HPS3: variants seen among roughly 807,000 people sequenced by gnomAD.
The protein encoded by HPS3 is HPS3 biogenesis of lysosomal organelles complex 2 subunit 1.
A neutral mutation model predicts 110.9 loss-of-function variants in HPS3; 79 were observed. The ratio of observed to expected loss-of-function variants is 0.71; its 90% CI spans 0.59 to 0.86. The LOEUF (loss-of-function observed/expected upper bound fraction) is 0.86, where lower values mean the gene tolerates loss of function less well. HPS3 is among the 40% of genes least tolerant of loss of function. The pLI, the probability that HPS3 is intolerant of heterozygous loss-of-function variation, is 0.00. For synonymous variants in HPS3, 428 were observed against 451.0 expected (o/e 0.95, Z 0.65); for missense variants, 1,197 against 1,206.2 (o/e 0.99, Z 0.11).
intron 16 of HPS3, among the ~76,000 whole-genome samples, chr3:149,171,122 A>G (rs1205165398): frequency 6.6e-6 from 1 of 152,174 alleles, no homozygotes; most frequent in African/African-American, 2.4e-5. Context: ...TACTAAAAAT[A>G]CAAAAATTAG....
At chr3:149,130,845 G>A (rs1721718547) in intron 1 of HPS3, among the ~76,000 whole-genome samples, 1 of 152,134 alleles carries the variant, frequency 6.6e-6, no homozygotes. Flanking sequence ...AGGAAATACT[G>A]TGTGGGTGAA....
At chr3:149,133,605 T>C (rs922040205) in intron 1 of HPS3, among the ~76,000 whole-genome samples, 6 of 152,074 alleles carry the variant, frequency 3.9e-5, no homozygotes, top group Admixed American at 1.3e-4. Flanking sequence ...GGCCCATTGT[T>C]GTCTTATTTT....
At chr3:149,156,471 A>G (rs941117482) in intron 8 of HPS3, among the ~76,000 whole-genome samples, 5 of 152,036 alleles carry the variant, frequency 3.3e-5, no homozygotes, top group Admixed American at 1.3e-4. Flanking sequence ...TGAAGCTGGA[A>G]TATTTCTATA....
At chr3:149,141,453 C>A in intron 4 of HPS3, 73 bp downstream of exon 4, 1 of 1,199,168 alleles carries the variant, frequency 8.3e-7, no homozygotes, top group Non-Finnish European at 1.2e-6. Context: ...GAGTGAAGAC[C>A]CATGTGGGTA....
chr3:149,160,827 G>A (rs1372842264), intron 11 of HPS3, among the ~76,000 whole-genome samples: 1 of 152,198 alleles, frequency 6.6e-6, no homozygotes, highest in African/African-American at 2.4e-5. Context: ...AGGAGGTAGT[G>A]TAATTGAACA....
In HPS3 at chr3:149,173,489, T is replaced by A. The variant is rs1162902670; in HGVS notation, c.*1267T>A. The A allele has an allele frequency of 1.0e-5, 4 of 387,034 alleles. No homozygotes were observed. In the East Asian group the frequency reaches 1.8e-4, roughly 17 times the overall value. 24.0% of individuals were successfully genotyped at this position (387,034 alleles called of 1,614,324 possible). ...ATTAGACTGTATGAATCAGTTTTAT[T>A]ACCTAGTGTACAAGTGTCAGTCATG... On this transcript the variant is annotated 3_prime_UTR_variant, in exon 17 of 17. Coordinates refer to ENST00000296051, the MANE Select transcript of HPS3 (RefSeq NM_032383.5).
intron 9 of HPS3, 72 bp from the exon 10 acceptor site, chr3:149,158,594 T>C: frequency 7.3e-7 from 1 of 1,377,342 alleles, no homozygotes; most frequent in Admixed American, 1.7e-5. Context: ...TTGAAATCAG[T>C]CTGGGCAACA....
intron 1 of HPS3, among the ~76,000 whole-genome samples, chr3:149,131,856 C>A (rs1721801259): frequency 6.6e-6 from 1 of 152,304 alleles, no homozygotes; most frequent in Admixed American, 6.5e-5. Context: ...TTAAGTGTTA[C>A]TCCAGTGAAC....
At chr3:149,157,247 C>A in intron 8 of HPS3, 103 bp from the exon 9 acceptor site, 1 of 1,049,652 alleles carries the variant, frequency 9.5e-7, no homozygotes, top group Non-Finnish European at 1.4e-6. Flanking sequence ...TTTAATATGT[C>A]CAAATGTTAA....
At position 149,163,924 on chromosome 3, in the gene HPS3, A is replaced by T. The variant is rs527824858; in HGVS notation, c.2564A>T (p.Tyr855Phe). The change falls in exon 14 of 17, where the codon TAT (tyrosine) becomes TTT (phenylalanine). Residue 855 changes from tyrosine to phenylalanine, a missense_variant. Coordinates refer to ENST00000296051, the MANE Select transcript of HPS3 (RefSeq NM_032383.5). The part of the protein sequence containing the change: ...ISSDSLADKN[Y>F]TEDLSKLQSL... ...TCTGATTCTTTAGCTGATAAAAATT[A>T]TACAGAAGATCTTTCAAAATTACAG... 1 of 1,544,532 alleles carries T rather than the reference A, an allele frequency of 6.5e-7. No individual in the cohort carries two copies. Among genetic ancestry groups the T allele is most frequent in the Non-Finnish European group, 9.0e-7 (1 of 1,116,574 alleles).
At chr3:149,138,728 A>G (rs1023827331) in intron 1 of HPS3, among the ~76,000 whole-genome samples, 2 of 152,222 alleles carry the variant, frequency 1.3e-5, no homozygotes, top group Non-Finnish European at 2.9e-5. Context: ...CAAATGAACA[A>G]CTTAATAAAA....
At chr3:149,170,842 T>A (rs1049034950) in intron 16 of HPS3, among the ~76,000 whole-genome samples, 3 of 152,196 alleles carry the variant, frequency 2.0e-5, no homozygotes, top group African/African-American at 7.2e-5. Flanking sequence ...ATAGAAGATG[T>A]AAGACCAAGT....
At chr3:149,130,251 A>G (rs1721676764) in intron 1 of HPS3, 1 of 477,344 alleles carries the variant, frequency 2.1e-6, no homozygotes, top group East Asian at 3.8e-5. Context: ...AACAACAACA[A>G]AAAACTCTTT....
chr3:149,152,270 C>T (rs1179636495), intron 6 of HPS3, among the ~76,000 whole-genome samples: 1 of 152,104 alleles, frequency 6.6e-6, no homozygotes, highest in Non-Finnish European at 1.5e-5. Flanking sequence ...TTTCAAACCT[C>T]AGAAAGACAT....
At chr3:149,137,416 G>A (rs897119984) in intron 1 of HPS3, among the ~76,000 whole-genome samples, 1 of 152,052 alleles carries the variant, frequency 6.6e-6, no homozygotes, top group Non-Finnish European at 1.5e-5. Context: ...CAATATGGCA[G>A]TTTCTCAAAA....
At chr3:149,141,473 G>A (rs1361725980) in intron 4 of HPS3, 93 bp downstream of exon 4, 1 of 1,034,948 alleles carries the variant, frequency 9.7e-7, no homozygotes, top group East Asian at 2.4e-5. Flanking sequence ...AATAGGTTTG[G>A]TGGTTTGGTT....
rs1030174882 is a variant in HPS3 at position 149,138,607 on chromosome 3, A to G, written c.218-1397A>G. Among the ~76,000 whole-genome samples the G allele has an allele frequency of 1.1e-4, 16 of 152,234 alleles. 1 individual carries two copies. The highest frequency in any genetic ancestry group is 3.9e-4 in the African/African-American group (16 of 41,464). ...TAAAAAGGGTATGGTAAAACATGCC[A>G]TCAGCAAAGTCAAAATCAGAAAATA... On this transcript the variant is annotated intron_variant, in intron 1 of 16. Transcript: ENST00000296051.
At position 149,129,804 on chromosome 3, in the gene HPS3, C is replaced by T. The variant is rs763247894; in HGVS notation, c.81C>T (p.Gly27=). The T allele has an allele frequency of 1.2e-6, 2 of 1,607,164 alleles. No individual in the cohort carries two copies. Among genetic ancestry groups the T allele is most frequent in the South Asian group, 1.1e-5 (1 of 90,932 alleles). ...PCKLEPDRFC[G]GGRDALFVAA... is the part of the protein sequence containing the mutation. ...AGCTGGAGCCGGACCGGTTCTGTGGCGGGGGGCGTGACGCGCTTTTCGTGG... is the reference window on the plus strand; with the variant it reads ...AGCTGGAGCCGGACCGGTTCTGTGGTGGGGGGCGTGACGCGCTTTTCGTGG... Residue 27 remains glycine (G), a synonymous_variant, in exon 1 of 17, where the codon GGC becomes GGT. Coordinates refer to ENST00000296051, the MANE Select transcript of HPS3 (RefSeq NM_032383.5).
chr3:149,139,721 A>G (rs970686926), intron 1 of HPS3, among the ~76,000 whole-genome samples: 3 of 152,188 alleles, frequency 2.0e-5, no homozygotes, highest in Non-Finnish European at 2.9e-5. Context: ...AGCTACAGTA[A>G]ACACTTAATT....
Sources: gnomAD v4.1 joint callset for allele counts (sites outside exome capture counted in the v4.1 genomes callset) on GRCh38, gnomAD v4.1.1 for gene constraint, MANE v1.5 for transcripts, NCBI Gene and HGNC (gene_info 2026-07-23, HGNC 2026-07-21) for gene names.